Variants in MAPK10 observed in about 807,000 individuals in gnomAD.
MAPK10 encodes JNK3 alpha protein kinase.
MAPK10 carries 25 observed loss-of-function variants against 59.3 expected under a neutral mutation model. That is an observed-to-expected ratio of 0.42 (90% CI 0.31 to 0.59). MAPK10 has a LOEUF of 0.59. Ranked by LOEUF, MAPK10 falls within the 20% of genes least tolerant of loss-of-function variation. The probability of loss-of-function intolerance (pLI) is 0.15; values close to 1 mark genes in which losing one functional copy is unlikely to be tolerated. For missense variants in MAPK10, 351 were observed against 568.9 expected, an observed-to-expected ratio of 0.62 and a Z score of 3.90; for synonymous variants, 190 against 200.5, an observed-to-expected ratio of 0.95 and a Z score of 0.44.
At chr4:86,053,998 A>G (rs757165969) in intron 11 of MAPK10, among the ~76,000 whole-genome samples, 9 of 152,164 alleles carry the variant, frequency 5.9e-5, no homozygotes, top group Admixed American at 6.5e-5. Context: ...TCAGTGATCC[A>G]TTCAAAAGAT....
chr4:86,422,718 C>T (rs914972257), intron 1 of MAPK10, among the ~76,000 whole-genome samples: 2 of 152,052 alleles, frequency 1.3e-5, no homozygotes, highest in East Asian at 1.9e-4. Flanking sequence ...AACAGACCGG[C>T]AGGCATAGAA....
At chr4:86,029,544 C>T (rs952632242) in intron 12 of MAPK10, among the ~76,000 whole-genome samples, 2 of 152,044 alleles carry the variant, frequency 1.3e-5, no homozygotes, top group Admixed American at 6.6e-5. Flanking sequence ...TTTCCATATA[C>T]ATAGTATTTA....
At chr4:86,258,889 A>G (rs974328115) in intron 2 of MAPK10, among the ~76,000 whole-genome samples, 1 of 152,100 alleles carries the variant, frequency 6.6e-6, no homozygotes, top group Non-Finnish European at 1.5e-5. Context: ...ACATTGCTTT[A>G]TTATATTTTT....
chr4:86,168,401 G>A (rs1214240026), intron 3 of MAPK10, among the ~76,000 whole-genome samples: 1 of 152,236 alleles, frequency 6.6e-6, no homozygotes, highest in African/African-American at 2.4e-5. Flanking sequence ...GGTGCACCAG[G>A]AGATTATATC....
intron 4 of MAPK10, among the ~76,000 whole-genome samples, chr4:86,128,168 A>C (rs1338095325): frequency 6.6e-6 from 1 of 152,056 alleles, no homozygotes; most frequent in Admixed American, 6.6e-5. Context: ...ATAATGAATA[A>C]TTTTTTTAGT....
intron 4 of MAPK10, among the ~76,000 whole-genome samples, chr4:86,134,902 C>G (rs1215382514): frequency 2.0e-5 from 3 of 152,194 alleles, no homozygotes; most frequent in Non-Finnish European, 4.4e-5. Flanking sequence ...AGTTCCCTTT[C>G]CTAGTCAAAG....
chr4:86,545,514 G>A (rs1278169580), intron 1 of MAPK10, among the ~76,000 whole-genome samples: 1 of 152,182 alleles, frequency 6.6e-6, no homozygotes, highest in Admixed American at 6.5e-5. Flanking sequence ...AGCTTCTGAG[G>A]TTGCTTTCCA....
At chr4:86,566,664 G>A (rs748938373) in intron 1 of MAPK10, among the ~76,000 whole-genome samples, 3 of 151,868 alleles carry the variant, frequency 2.0e-5, no homozygotes, top group African/African-American at 4.8e-5. Context: ...GCAGTGAGCC[G>A]ACACAGTACC....
intron 1 of MAPK10, among the ~76,000 whole-genome samples, chr4:86,391,163 T>C (rs1174307721): frequency 1.3e-5 from 2 of 152,250 alleles, no homozygotes; most frequent in African/African-American, 2.4e-5. Context: ...ATCCTAGTTG[T>C]ATATTTAACA....
chr4:86,263,490 G>A (rs188366078), intron 2 of MAPK10, among the ~76,000 whole-genome samples: 2 of 152,170 alleles, frequency 1.3e-5, no homozygotes, highest in Admixed American at 1.3e-4. Flanking sequence ...TTTCCTCATT[G>A]CCCTCCCTCC....
intron 11 of MAPK10, among the ~76,000 whole-genome samples, chr4:86,053,632 A>C (rs1304440624): frequency 6.6e-6 from 1 of 152,096 alleles, no homozygotes; most frequent in Non-Finnish European, 1.5e-5. Flanking sequence ...TCCCACCCTG[A>C]CTTCTTTGCT....
intron 11 of MAPK10, among the ~76,000 whole-genome samples, chr4:86,052,415 C>T (rs756312438): frequency 4.6e-5 from 7 of 152,020 alleles, no homozygotes; most frequent in Non-Finnish European, 8.8e-5. Context: ...TAAAGGAACT[C>T]CGAAGATCTG....
chr4:86,358,450 G>A (rs1266119250), intron 1 of MAPK10: 3 of 854,302 alleles, frequency 3.5e-6, no homozygotes, highest in Non-Finnish European at 4.2e-6. Context: ...GTTCATAAAA[G>A]TTATCATCAA....
chr4:86,089,201 G>A, intron 9 of MAPK10: 1 of 1,608,070 alleles, frequency 6.2e-7, no homozygotes, highest in East Asian at 2.2e-5. Context: ...TGCTAAGAAG[G>A]ATACGATCAG....
intron 2 of MAPK10, among the ~76,000 whole-genome samples, chr4:86,269,902 G>C (rs925119759): frequency 1.3e-5 from 2 of 152,036 alleles, no homozygotes; most frequent in East Asian, 1.9e-4. Context: ...TTGATTAAAA[G>C]ACATTTGTGC....
chr4:86,459,847 C>T (rs186564568), intron 1 of MAPK10, among the ~76,000 whole-genome samples: 53 of 152,086 alleles, frequency 3.5e-4, no homozygotes, highest in Non-Finnish European at 7.1e-4. Flanking sequence ...GCACCAAAAT[C>T]TCACAAATCA....
intron 1 of MAPK10, among the ~76,000 whole-genome samples, chr4:86,588,225 A>G (rs1762767773): frequency 6.6e-6 from 1 of 152,162 alleles, no homozygotes; most frequent in Non-Finnish European, 1.5e-5. Flanking sequence ...TGTCATGAGT[A>G]CGGTCCCAAA....
intron 1 of MAPK10, among the ~76,000 whole-genome samples, chr4:86,423,768 TACA>T (rs1564842214): frequency 1.8e-5 from 1 of 56,090 alleles, no homozygotes; most frequent in African/African-American, 5.1e-5. Context: ...GGGATATATA[TACA>T]TATATATATA....
chr4:86,587,465 T>A (rs993087403), intron 1 of MAPK10, among the ~76,000 whole-genome samples: 21 of 152,238 alleles, frequency 1.4e-4, no homozygotes, highest in Admixed American at 7.2e-4. Flanking sequence ...GAAGTGTTAG[T>A]ATTGCCTCAC....
Sources: gnomAD v4.1 joint callset for allele counts (sites outside exome capture counted in the v4.1 genomes callset) on GRCh38, gnomAD v4.1.1 for gene constraint, MANE v1.5 for transcripts, NCBI Gene and HGNC (gene_info 2026-07-23, HGNC 2026-07-21) for gene names.